The following METTL8 variants were observed in gnomAD, a reference collection of about 807,000 sequenced individuals.
METTL8 encodes the protein methyltransferase 8, tRNA N3-cytidine.
In METTL8, 32 loss-of-function variants were observed where a neutral mutation model predicts 48.7. The ratio of observed to expected loss-of-function variants is 0.66; its 90% CI spans 0.50 to 0.88. METTL8 has a LOEUF of 0.88. Ranked by LOEUF, METTL8 falls within the 40% of genes least tolerant of loss-of-function variation. The pLI is 0.00. For missense variants in METTL8, 464 were observed against 474.4 expected, an observed-to-expected ratio of 0.98 and a Z score of 0.20; for synonymous variants, 136 against 157.1, an observed-to-expected ratio of 0.87 and a Z score of 1.01.
chr2:171,342,329 A>C (rs1559074142), intron 3 of METTL8, among the ~76,000 whole-genome samples: 1 of 152,248 alleles, frequency 6.6e-6, no homozygotes, highest in African/African-American at 2.4e-5. Context: ...TCTTTGTAAC[A>C]AAAGAATTAT....
chr2:171,398,557 G>C (rs1689340372), intron 1 of METTL8, among the ~76,000 whole-genome samples: 1 of 152,028 alleles, frequency 6.6e-6, no homozygotes, highest in African/African-American at 2.4e-5. Flanking sequence ...GAGAGGAAAC[G>C]GGGAGACGTA....
chr2:171,363,460 A>G (rs1217820723), intron 2 of METTL8, among the ~76,000 whole-genome samples: 1 of 152,094 alleles, frequency 6.6e-6, no homozygotes, highest in Non-Finnish European at 1.5e-5. Flanking sequence ...ACTGGAAATA[A>G]TCAAGTATTT....
intron 1 of METTL8, among the ~76,000 whole-genome samples, chr2:171,393,909 G>T (rs1441133052): frequency 6.6e-6 from 1 of 152,102 alleles, no homozygotes; most frequent in Non-Finnish European, 1.5e-5. Context: ...AAAAAAGTGG[G>T]GGCATAGTTA....
intron 3 of METTL8, among the ~76,000 whole-genome samples, chr2:171,352,010 G>T (rs1683987494): frequency 6.6e-6 from 1 of 152,190 alleles, no homozygotes; most frequent in African/African-American, 2.4e-5. Flanking sequence ...AGTAAGAGTG[G>T]TGAGAGAGGA....
intron 2 of METTL8, among the ~76,000 whole-genome samples, chr2:171,387,092 C>T (rs1192221352): frequency 2.7e-5 from 4 of 146,664 alleles, no homozygotes; most frequent in African/African-American, 1.0e-4. Flanking sequence ...TCCGATTCTT[C>T]CCATACACCA....
At chr2:171,395,310 A>T (rs776596411) in intron 1 of METTL8, among the ~76,000 whole-genome samples, 6 of 152,224 alleles carry the variant, frequency 3.9e-5, no homozygotes, top group Non-Finnish European at 5.9e-5. Flanking sequence ...ATGAAAAACA[A>T]ATAGGACAAA....
rs200347847 is a variant in METTL8 at position 171,363,792 on chromosome 2, T to TTATATATATATATATATATATATATATA, written c.144-3280_144-3279insTATATATATATATATATATATATATATA. 3.6e-4 allele frequency among the ~76,000 whole-genome samples: 35 copies of TTATATATATATATATATATATATATATA among 97,420 alleles called. 1 individual carries two copies. Among genetic ancestry groups the TTATATATATATATATATATATATATATA allele is most frequent in the African/African-American group, 5.7e-4 (14 of 24,390 alleles). 63.9% of individuals were successfully genotyped at this position (97,420 alleles called of 152,430 possible). A position where few individuals can be genotyped will look rare whatever the true frequency, so the allele number is the denominator to read the frequency against. On this transcript the variant is annotated intron_variant, in intron 2 of 9. Coordinates refer to ENST00000375258, the MANE Select transcript of METTL8 (RefSeq NM_001321154.2). ...GGTTAAAAAAGTACATCCCCAAATT[T>TTATATATATATATATATATATATATATA]TATATATATATATATATATATATCT...
At chr2:171,409,231 G>A (rs1690494265) in intron 1 of METTL8, among the ~76,000 whole-genome samples, 1 of 152,118 alleles carries the variant, frequency 6.6e-6, no homozygotes, top group Non-Finnish European at 1.5e-5. Context: ...GCCTATCAGT[G>A]CGTTCGTAAA....
upstream of METTL8, chr2:171,434,165 G>A (rs574454856): frequency 3.7e-4 from 132 of 357,746 alleles, no homozygotes; most frequent in African/African-American, 2.5e-3. Flanking sequence ...GCCGCGGCAG[G>A]CAGAGGCAGG....
chr2:171,412,447 T>C (rs908926897), intron 1 of METTL8, among the ~76,000 whole-genome samples: 2 of 152,208 alleles, frequency 1.3e-5, no homozygotes, highest in African/African-American at 4.8e-5. Context: ...CCCAAATCAA[T>C]CTCTGGTAAG....
intron 2 of METTL8, among the ~76,000 whole-genome samples, chr2:171,385,787 A>T (rs1318794324): frequency 2.6e-5 from 4 of 152,202 alleles, no homozygotes; most frequent in Non-Finnish European, 2.9e-5. Context: ...GGTGCTGTTG[A>T]TGCTCCAGGC....
At chr2:171,339,731 C>T (rs1039182331) in intron 3 of METTL8, among the ~76,000 whole-genome samples, 177 bp from the exon 4 acceptor site, 3 of 152,088 alleles carry the variant, frequency 2.0e-5, no homozygotes, top group Non-Finnish European at 2.9e-5. Flanking sequence ...AACTACAGAG[C>T]TTTAATTCTC....
intron 3 of METTL8, among the ~76,000 whole-genome samples, chr2:171,352,947 G>GT (rs1283677330): frequency 1.3e-5 from 2 of 152,182 alleles, no homozygotes; most frequent in Admixed American, 6.5e-5. Flanking sequence ...TTTTTGAAGG[G>GT]TTTTTTGTGT....
chr2:171,355,742 T>C (rs1684462869), intron 3 of METTL8, among the ~76,000 whole-genome samples: 2 of 152,270 alleles, frequency 1.3e-5, no homozygotes, highest in Admixed American at 1.3e-4. Flanking sequence ...TGAGCGAGGC[T>C]CCGTGGGCGT....
chr2:171,396,799 A>G (rs894533799), intron 1 of METTL8, among the ~76,000 whole-genome samples: 1 of 152,084 alleles, frequency 6.6e-6, no homozygotes, highest in Non-Finnish European at 1.5e-5. Flanking sequence ...ATAGTTTTAC[A>G]TATTTTTATT....
chr2:171,417,746 T>C (rs1233480646), intron 1 of METTL8, among the ~76,000 whole-genome samples: 2 of 152,226 alleles, frequency 1.3e-5, no homozygotes, highest in Admixed American at 6.5e-5. Context: ...ATGTTACAGA[T>C]AGTACAGAGA....
chr2:171,422,250 C>G (rs912450656), intron 1 of METTL8, among the ~76,000 whole-genome samples: 1 of 152,018 alleles, frequency 6.6e-6, no homozygotes, highest in African/African-American at 2.4e-5. Context: ...AGAGACTATT[C>G]AATAAGTGGG....
chr2:171,329,240 C>A (rs940063873), intron 7 of METTL8, among the ~76,000 whole-genome samples: 3 of 152,248 alleles, frequency 2.0e-5, no homozygotes, highest in Admixed American at 1.3e-4. Context: ...ATCCACCCAC[C>A]TCGGCTTCCC....
At chr2:171,416,135 G>T (rs1280409143) in intron 1 of METTL8, among the ~76,000 whole-genome samples, 2 of 152,112 alleles carry the variant, frequency 1.3e-5, no homozygotes, top group African/African-American at 4.8e-5. Flanking sequence ...TGTTTCTGAC[G>T]CGCCAGGATC....
Sources: gnomAD v4.1 joint callset for allele counts (sites outside exome capture counted in the v4.1 genomes callset) on GRCh38, gnomAD v4.1.1 for gene constraint, MANE v1.5 for transcripts, NCBI Gene and HGNC (gene_info 2026-07-23, HGNC 2026-07-21) for gene names.